Variants in KLHL28 observed in about 807,000 individuals in gnomAD.
KLHL28 encodes the protein kelch-like protein 28.
A neutral mutation model predicts 48.3 loss-of-function variants in KLHL28; 22 were observed. The ratio of observed to expected loss-of-function variants is 0.46; its 90% CI spans 0.33 to 0.65. KLHL28 has a LOEUF of 0.65. Ranked by LOEUF, KLHL28 falls within the 30% of genes least tolerant of loss-of-function variation. The pLI is 0.03. For missense variants in KLHL28, 527 were observed against 704.3 expected, an observed-to-expected ratio of 0.75 and a Z score of 2.85; for synonymous variants, 243 against 242.4, an observed-to-expected ratio of 1.00 and a Z score of -0.02.
At chr14:44,954,995 A>T (rs940626360) in intron 1 of KLHL28, among the ~76,000 whole-genome samples, 1 of 152,124 alleles carries the variant, frequency 6.6e-6, no homozygotes. Context: ...GTTGATAAGG[A>T]CACTGTTTAT....
chr14:44,957,131 A>C (rs1884824622), intron 1 of KLHL28, among the ~76,000 whole-genome samples: 1 of 152,164 alleles, frequency 6.6e-6, no homozygotes, highest in Non-Finnish European at 1.5e-5. Context: ...GCTGTATTGA[A>C]ATATTTGTAG....
intron 4 of KLHL28, among the ~76,000 whole-genome samples, chr14:44,929,591 C>A (rs563171951): frequency 6.6e-6 from 1 of 152,164 alleles, no homozygotes; most frequent in Non-Finnish European, 1.5e-5. Flanking sequence ...GGGTTTGGTA[C>A]TATCTGCAGT....
rs377577087 is a variant in KLHL28 at position 44,934,230 on chromosome 14, T to C, written c.1228A>G (p.Ile410Val). Residue 410 changes from isoleucine (I) to valine (V), a missense_variant, in exon 3 of 5, where the codon ATA becomes GTA. Transcript: ENST00000396128. ...LQSVEKYIPK[I>V]RKWQPVAPMT... ...GGTGCCACAGGTTGCCATTTTCTTA[T>C]TTTGGGAATGTACTTCTCTACAGAT... The C allele has an allele frequency of 6.2e-6, 10 of 1,614,060 alleles. No individual in the cohort carries two copies. The African/African-American group carries it at 1.3e-4, about 22-fold the overall frequency.
intron 1 of KLHL28, among the ~76,000 whole-genome samples, chr14:44,951,811 T>C (rs1884593326): frequency 6.6e-6 from 1 of 152,226 alleles, no homozygotes; most frequent in South Asian, 2.1e-4. Context: ...GAACTTAAAA[T>C]GAATTACACT....
chr14:44,961,645 G>A (rs771204887), intron 1 of KLHL28: 2 of 152,160 alleles, frequency 1.3e-5, no homozygotes, highest in Non-Finnish European at 2.9e-5. Context: ...CTGATAAGCA[G>A]ATGGCAAGAG....
chr14:44,931,364 A>G lies in KLHL28; in HGVS notation c.1521T>C (p.Thr507=). 6.2e-7 allele frequency: 1 copy of G among 1,613,834 alleles called. No homozygotes were observed. The highest frequency in any genetic ancestry group is 8.5e-7 in the Non-Finnish European group (1 of 1,179,756). The change falls in exon 4 of 5, where the codon ACT becomes ACC. Residue 507 remains threonine, a synonymous_variant. Coordinates refer to ENST00000396128, the MANE Select transcript of KLHL28 (RefSeq NM_017658.5). ...ERYDPHQNQW[T]VCRPMKEPRT... The stretch of plus-strand genomic sequence containing the variant: ...TAGGTTCTTTCATTGGTCTACACAC[A>G]GTCCACTGATTTTGATGAGGATCGT...
intron 1 of KLHL28, 131 bp from the exon 2 acceptor site, chr14:44,946,059 G>C: frequency 1.5e-6 from 1 of 682,498 alleles, no homozygotes; most frequent in African/African-American, 1.8e-5. Flanking sequence ...ATACTTCATA[G>C]TAAATACTAG....
intron 3 of KLHL28, among the ~76,000 whole-genome samples, chr14:44,931,963 A>G (rs1883605425): frequency 6.6e-6 from 1 of 151,852 alleles, no homozygotes; most frequent in African/African-American, 2.4e-5. Context: ...AAGTCAAATG[A>G]GTATGCACGT....
At chr14:44,961,653 G>C (rs1426147144) in intron 1 of KLHL28, 193 bp downstream of exon 1, 1 of 152,194 alleles carries the variant, frequency 6.6e-6, no homozygotes, top group Non-Finnish European at 1.5e-5. Flanking sequence ...CAGATGGCAA[G>C]AGGAAAGGAT....
intron 2 of KLHL28, among the ~76,000 whole-genome samples, chr14:44,938,986 G>A (rs1170473785): frequency 6.6e-6 from 1 of 152,114 alleles, no homozygotes; most frequent in African/African-American, 2.4e-5. Flanking sequence ...CTTGCCCCCT[G>A]TGCTATCTGC....
chr14:44,952,888 G>T (rs1407197845), intron 1 of KLHL28, among the ~76,000 whole-genome samples: 1 of 150,900 alleles, frequency 6.6e-6, no homozygotes, highest in Non-Finnish European at 1.5e-5. Context: ...TGCGTAAAAG[G>T]AAGGGTAAGT....
At chr14:44,947,450 T>G (rs895000024) in intron 1 of KLHL28, among the ~76,000 whole-genome samples, 5 of 152,210 alleles carry the variant, frequency 3.3e-5, no homozygotes, top group Non-Finnish European at 7.3e-5. Flanking sequence ...ACAGTAACCT[T>G]AAGAATTAAT....
intron 2 of KLHL28, among the ~76,000 whole-genome samples, chr14:44,940,095 T>C (rs929186609): frequency 6.6e-6 from 1 of 152,188 alleles, no homozygotes; most frequent in African/African-American, 2.4e-5. Context: ...AGACATCACA[T>C]GAAGTGCAAG....
chr14:44,945,507 G>T lies in KLHL28; in HGVS notation c.422C>A (p.Ser141Tyr). The T allele has an allele frequency of 6.2e-7, 1 of 1,614,196 alleles. No homozygotes were observed. The highest frequency in any genetic ancestry group is 1.1e-5 in the South Asian group (1 of 91,082). Residue 141 changes from serine (S) to tyrosine (Y), a missense_variant, in exon 2 of 5, where the codon TCT becomes TAT. Transcript: ENST00000396128. ...GCAACCATATGTTTCTGCAAAACGA[G>T]AAATTCCAATACAATTACCAGGATC... ...QLDPGNCIGI[S>Y]RFAETYGCRD...
rs1278206375 is a variant in KLHL28, at chr14:44,926,006, A to G, written c.*3022T>C. The G allele has an allele frequency of 1.3e-5, 2 of 152,222 alleles. No homozygotes were observed. The highest frequency in any genetic ancestry group is 2.4e-5 in the African/African-American group (1 of 41,476). 9.4% of individuals were successfully genotyped at this position (152,222 alleles called of 1,614,324 possible). On this transcript the variant is annotated 3_prime_UTR_variant, in exon 5 of 5. Coordinates refer to ENST00000396128, the MANE Select transcript of KLHL28 (RefSeq NM_017658.5). ...ATAGCTTTTCTCTTCTTGCCTGAAT[A>G]TGTAAAATTATTTCTAATACTTTTA...
intron 1 of KLHL28, among the ~76,000 whole-genome samples, chr14:44,956,981 C>T (rs1349936598): frequency 6.6e-6 from 1 of 152,116 alleles, no homozygotes; most frequent in Non-Finnish European, 1.5e-5. Context: ...CCATGCCTGG[C>T]TAATATTTTT....
At chr14:44,933,302 T>C (rs1391098352) in intron 3 of KLHL28, among the ~76,000 whole-genome samples, 2 of 149,670 alleles carry the variant, frequency 1.3e-5, no homozygotes, top group Admixed American at 1.3e-4. Flanking sequence ...AATCTTTTCT[T>C]TTCTTTCTTT....
Position 44,925,544 on chromosome 14 carries a change from A to G in KLHL28, c.*3484T>C, listed in dbSNP as rs1269323448. ...ATGTCAGAGATAAGGAATTAGATTC[A>G]TCCTTCACCAAAATAGTTATTAGGG... On this transcript the variant is annotated 3_prime_UTR_variant, in exon 5 of 5. Transcript: ENST00000396128. The G allele has an allele frequency of 6.6e-6, 1 of 152,108 alleles. No individual in the cohort carries two copies. The highest frequency in any genetic ancestry group is 2.4e-5 in the African/African-American group (1 of 41,454). The allele number at this position is 152,108 out of a possible 1,614,324, so 9.4% of individuals were successfully genotyped here. A position where few individuals can be genotyped will look rare whatever the true frequency, so the allele number is the denominator to read the frequency against.
At chr14:44,948,076 A>G (rs927296969) in intron 1 of KLHL28, among the ~76,000 whole-genome samples, 12 of 152,336 alleles carry the variant, frequency 7.9e-5, no homozygotes, top group Middle Eastern at 3.4e-3. Context: ...CAGTTTTATG[A>G]AAAAGTTAAA....
Sources: allele counts gnomAD v4.1 joint callset (sites outside exome capture counted in the v4.1 genomes callset), GRCh38; gene constraint gnomAD v4.1.1; transcripts MANE v1.5; gene names NCBI Gene and HGNC (gene_info 2026-07-23, HGNC 2026-07-21).